The following SMARCC1 variants were observed in gnomAD, a reference collection of about 807,000 sequenced individuals.
SMARCC1 encodes the protein SWI/SNF complex subunit SMARCC1.
Under a neutral mutation model 147.4 loss-of-function variants are expected in SMARCC1, and 43 were observed. The ratio of observed to expected loss-of-function variants is 0.29; its 90% CI spans 0.23 to 0.38. SMARCC1 has a LOEUF of 0.38. SMARCC1 is among the 10% of genes least tolerant of loss of function. SMARCC1 has a pLI of 1.00. For missense variants in SMARCC1, 1,119 were observed against 1,381.1 expected, an observed-to-expected ratio of 0.81 and a Z score of 3.01; for synonymous variants, 495 against 484.4, an observed-to-expected ratio of 1.02 and a Z score of -0.29.
intron 2 of SMARCC1, 29 bp from the exon 3 acceptor site, chr3:47,746,022 A>C: frequency 1.4e-6 from 2 of 1,421,488 alleles, no homozygotes; most frequent in African/African-American, 1.5e-5. Context: ...ACACATGAGA[A>C]AAATAAAGCT....
chr3:47,711,551 G>A (rs1272108924), intron 8 of SMARCC1, among the ~76,000 whole-genome samples: 1 of 152,104 alleles, frequency 6.6e-6, no homozygotes, highest in East Asian at 1.9e-4. Context: ...GAGTAGTGTT[G>A]GTTGAAATGA....
intron 3 of SMARCC1, among the ~76,000 whole-genome samples, chr3:47,742,775 G>A (rs1346577776): frequency 6.6e-6 from 1 of 152,098 alleles, no homozygotes; most frequent in Non-Finnish European, 1.5e-5. Flanking sequence ...TAGAGGCTGA[G>A]TTTTCCCACA....
At chr3:47,722,801 CA>C (rs1401470021) in intron 6 of SMARCC1, among the ~76,000 whole-genome samples, 7 of 151,974 alleles carry the variant, frequency 4.6e-5, no homozygotes, top group African/African-American at 1.7e-4. Context: ...TTATATATCC[CA>C]AAAGAAGGAA....
chr3:47,750,826 T>A (rs1375515521), intron 2 of SMARCC1, among the ~76,000 whole-genome samples: 1 of 151,900 alleles, frequency 6.6e-6, no homozygotes, highest in African/African-American at 2.4e-5. Context: ...TCTATATAAA[T>A]AAGGTCAATT....
At chr3:47,596,879 T>A (rs77701015) in intron 26 of SMARCC1, among the ~76,000 whole-genome samples, 1,623 of 152,140 alleles carry the variant, frequency 0.011, 31 homozygotes, top group African/African-American at 0.037. Context: ...CTTCTTTTTT[T>A]TTTTATTTTA....
At chr3:47,749,934 T>C (rs1401990909) in intron 2 of SMARCC1, among the ~76,000 whole-genome samples, 2 of 148,964 alleles carry the variant, frequency 1.3e-5, no homozygotes, top group Non-Finnish European at 3.0e-5. Context: ...TACAAAAACT[T>C]AGCCGGGCGT....
At chr3:47,725,904 A>C (rs995773034) in intron 6 of SMARCC1, among the ~76,000 whole-genome samples, 6 of 151,832 alleles carry the variant, frequency 4.0e-5, no homozygotes, top group African/African-American at 1.2e-4. Context: ...TCTACTAAAA[A>C]TACAAACATT....
At chr3:47,744,820 A>G (rs957454763) in intron 3 of SMARCC1, among the ~76,000 whole-genome samples, 1 of 152,188 alleles carries the variant, frequency 6.6e-6, no homozygotes, top group Non-Finnish European at 1.5e-5. Flanking sequence ...AGAAAAGGGG[A>G]AAAGACTGAA....
Position 47,662,454 on chromosome 3 carries a change from G to A in SMARCC1, c.2038C>T (p.Pro680Ser). ...AAGGGGACAGGCTGGTAGGCCAAAG[G>A]CCCAAGGGAAGCATCTGAATTCTCA... ...YLENSDASLG[P>S]LAYQPVPFSQ... Residue 680 changes from proline (P) to serine (S), a missense_variant, in exon 20 of 28, where the codon CCT becomes TCT. Around this residue, in one of 6 missense-constraint regions of SMARCC1, gnomAD observed 178 missense variants for 264.6 expected, o/e 0.67. Transcript: ENST00000254480. The A allele has an allele frequency of 6.2e-7, 1 of 1,614,134 alleles. No homozygotes were observed. The highest frequency in any genetic ancestry group is 8.5e-7 in the Non-Finnish European group (1 of 1,180,016).
At chr3:47,693,202 C>T (rs999213802) in intron 12 of SMARCC1, 39 bp downstream of exon 12, 1 of 1,162,546 alleles carries the variant, frequency 8.6e-7, no homozygotes, top group African/African-American at 1.5e-5. Flanking sequence ...ATATTCAAGA[C>T]AGAAAGCACA....
intron 14 of SMARCC1, among the ~76,000 whole-genome samples, 171 bp downstream of exon 14, chr3:47,685,878 C>G (rs1243083237): frequency 6.6e-6 from 1 of 151,946 alleles, no homozygotes; most frequent in East Asian, 1.9e-4. Context: ...AACAAACAAA[C>G]AAACAAAAAA....
chr3:47,750,504 T>G (rs973235350), intron 2 of SMARCC1, among the ~76,000 whole-genome samples: 3 of 152,180 alleles, frequency 2.0e-5, no homozygotes, highest in Admixed American at 6.6e-5. Flanking sequence ...GAATGAGACT[T>G]ACTTCTCCTA....
chr3:47,725,279 A>G lies in SMARCC1; in HGVS notation c.646+3746T>C, dbSNP rs534819458. 3.9e-5 allele frequency among the ~76,000 whole-genome samples: 6 copies of G among 152,146 alleles called. 1 individual carries two copies. Among genetic ancestry groups the G allele is most frequent in the African/African-American group, 1.4e-4 (6 of 41,558 alleles). ...ATGACCTGAACAAATATATCTATAC[A>G]GCAAGAGAGTAGACTGCTGGTTGTC... On this transcript the variant is annotated intron_variant, in intron 6 of 27. Coordinates refer to ENST00000254480, the MANE Select transcript of SMARCC1 (RefSeq NM_003074.4).
intron 26 of SMARCC1, among the ~76,000 whole-genome samples, chr3:47,607,992 G>C (rs1043210575): frequency 6.6e-6 from 1 of 152,070 alleles, no homozygotes. Flanking sequence ...CCCTTTGCTG[G>C]TCACCTTTGG....
intron 15 of SMARCC1, 70 bp downstream of exon 15, chr3:47,680,367 C>T: frequency 1.0e-6 from 1 of 1,003,858 alleles, no homozygotes; most frequent in East Asian, 2.4e-5. Context: ...ATAAGGAACT[C>T]AGGTGGATGC....
At chr3:47,725,067 C>T (rs537020545) in intron 6 of SMARCC1, among the ~76,000 whole-genome samples, 7 of 139,066 alleles carry the variant, frequency 5.0e-5, no homozygotes, top group African/African-American at 1.3e-4. Context: ...ATCTATTGCA[C>T]GACAAGATGT....
At position 47,656,203 on chromosome 3, in the gene SMARCC1, T is replaced by C. The variant is rs536559055; in HGVS notation, c.2320+5091A>G. ...TCCAGCCTGGGTGACAGAGGAAGAC[T>C]CCATTTCAAAAAAAAAGCCTCTTAT... On this transcript the variant is annotated intron_variant, in intron 21 of 27. Coordinates refer to ENST00000254480, the MANE Select transcript of SMARCC1 (RefSeq NM_003074.4). Among the ~76,000 whole-genome samples, 37 of 152,082 alleles carry C rather than the reference T, an allele frequency of 2.4e-4. No individual in the cohort carries two copies. The East Asian group carries it at 7.2e-3, about 29-fold the overall frequency.
intron 6 of SMARCC1, among the ~76,000 whole-genome samples, chr3:47,725,284 G>A (rs1214508374): frequency 6.6e-6 from 1 of 151,924 alleles, no homozygotes; most frequent in Non-Finnish European, 1.5e-5. Flanking sequence ...TATACAGCAA[G>A]AGAGTAGACT....
intron 22 of SMARCC1, among the ~76,000 whole-genome samples, chr3:47,638,148 T>C (rs2032996232): frequency 6.6e-6 from 1 of 152,190 alleles, no homozygotes; most frequent in African/African-American, 2.4e-5. Context: ...TGGAGTGCAG[T>C]GGCGCGATCT....
Sources: allele counts gnomAD v4.1 joint callset (sites outside exome capture counted in the v4.1 genomes callset), GRCh38; gene constraint gnomAD v4.1.1; regional missense constraint gnomAD v4.1.1; transcripts MANE v1.5; gene names NCBI Gene and HGNC (gene_info 2026-07-23, HGNC 2026-07-21).